ABCC1: variants seen among roughly 807,000 people sequenced by gnomAD.
ABCC1 encodes the protein ATP binding cassette subfamily C member 1 (ABCC1 blood group).
A neutral mutation model predicts 172.9 loss-of-function variants in ABCC1; 83 were observed. The observed-to-expected ratio is 0.48, with a 90% CI of 0.40 to 0.58. The LOEUF is 0.58. Among genes scored for constraint, ABCC1 ranks in the 20% least tolerant of loss-of-function variants. ABCC1 has a pLI of 0.00. For missense variants in ABCC1, 1,817 were observed against 2,002.7 expected (o/e 0.91, Z 1.77); for synonymous variants, 937 against 825.2 (o/e 1.14, Z -2.32).
intron 14 of ABCC1, among the ~76,000 whole-genome samples, chr16:16,072,780 G>A (rs1439083394): frequency 1.3e-5 from 2 of 151,814 alleles, no homozygotes; most frequent in Admixed American, 6.6e-5. Flanking sequence ...AGTGGCTCAC[G>A]CCTGTAATCC....
At chr16:15,962,858 C>T (rs9889088) in intron 1 of ABCC1, among the ~76,000 whole-genome samples, 3,649 of 152,152 alleles carry the variant, frequency 0.024, 155 homozygotes, top group African/African-American at 0.085. Flanking sequence ...CTGCCCCTGG[C>T]CCCTCCCAAA....
At chr16:15,992,634 T>A (rs2046906982) in intron 1 of ABCC1, among the ~76,000 whole-genome samples, 1 of 152,132 alleles carries the variant, frequency 6.6e-6, no homozygotes, top group Non-Finnish European at 1.5e-5. Context: ...CTCCTAACCT[T>A]GGGTGATCCT....
intron 30 of ABCC1, 106 bp from the exon 31 acceptor site, chr16:16,141,067 G>A (rs2046108519): frequency 2.2e-6 from 2 of 899,840 alleles, no homozygotes; most frequent in Non-Finnish European, 1.8e-6. Context: ...AGCAAAAAGT[G>A]TTAGGGGCCT....
chr16:16,004,868 T>G (rs57035599), intron 1 of ABCC1, among the ~76,000 whole-genome samples: 75,088 of 150,946 alleles, frequency 0.5, 19,516 homozygotes, highest in Non-Finnish European at 0.59. Flanking sequence ...TTATGGGGGG[T>G]TCTTGCCATG....
chr16:16,070,213 CAA>C (rs1290460598), intron 13 of ABCC1, among the ~76,000 whole-genome samples: 3 of 151,670 alleles, frequency 2.0e-5, no homozygotes, highest in African/African-American at 4.8e-5. Context: ...CCTTAATCTA[CAA>C]AAAATAACAA....
chr16:16,016,705 C>A (rs2048014065), intron 5 of ABCC1, 84 bp downstream of exon 5: 5 of 1,557,162 alleles, frequency 3.2e-6, no homozygotes, highest in South Asian at 1.2e-5. Flanking sequence ...TTCTTAGATC[C>A]ATCCAGGATC....
intron 5 of ABCC1, among the ~76,000 whole-genome samples, chr16:16,019,628 C>A (rs1489965318): frequency 1.3e-5 from 2 of 152,156 alleles, no homozygotes; most frequent in Non-Finnish European, 2.9e-5. Flanking sequence ...TTCTGATCTC[C>A]CTTGGGAATC....
chr16:15,968,686 T>G (rs11862407), intron 1 of ABCC1, among the ~76,000 whole-genome samples: 18,941 of 152,048 alleles, frequency 0.12, 1,309 homozygotes, highest in Middle Eastern at 0.15. Context: ...CATAAATACA[T>G]GGTATTTTTT....
chr16:16,037,473 A>T (rs559181781), intron 7 of ABCC1, among the ~76,000 whole-genome samples: 134 of 150,236 alleles, frequency 8.9e-4, no homozygotes, highest in Non-Finnish European at 1.6e-3. Context: ...TTATTATTCT[A>T]TGTAACAGTA....
rs576151841 is a variant in ABCC1 at position 16,128,026 on chromosome 16, T to G, written c.3819+2115T>G. Among the ~76,000 whole-genome samples the G allele has an allele frequency of 9.0e-4, 137 of 151,390 alleles. 2 individuals carry two copies. Among genetic ancestry groups the G allele is most frequent in the Admixed American group, 9.0e-3 (137 of 15,178 alleles). ...ACCTCCACCTCCTGGGTTCAAGTGA[T>G]TCTCCTGCCTCAGCCTCCCAATTAG... On this transcript the variant is annotated intron_variant, in intron 26 of 30. Coordinates refer to ENST00000399410, the MANE Select transcript of ABCC1 (RefSeq NM_004996.4).
intron 17 of ABCC1, among the ~76,000 whole-genome samples, chr16:16,086,520 C>T (rs1016102183): frequency 6.6e-6 from 1 of 152,122 alleles, no homozygotes; most frequent in African/African-American, 2.4e-5. Flanking sequence ...AGTGGCCCAG[C>T]CATAGCTCGT....
intron 1 of ABCC1, among the ~76,000 whole-genome samples, chr16:15,966,077 C>T (rs1597058394): frequency 6.6e-6 from 1 of 152,028 alleles, no homozygotes; most frequent in Non-Finnish European, 1.5e-5. Context: ...TCTAAGGTTA[C>T]TTACTGCTGT....
intron 18 of ABCC1, among the ~76,000 whole-genome samples, chr16:16,087,821 A>G (rs567932658): frequency 4.1e-4 from 62 of 152,214 alleles, no homozygotes; most frequent in Non-Finnish European, 7.3e-4. Context: ...GAAAAACATG[A>G]AAAAGAAAAA....
At chr16:16,123,455 C>T (rs2045257526) in intron 24 of ABCC1, among the ~76,000 whole-genome samples, 2 of 151,650 alleles carry the variant, frequency 1.3e-5, no homozygotes, top group South Asian at 4.2e-4. Context: ...GTCAACATGG[C>T]AAAATCCCAT....
chr16:16,046,093 T>G lies in ABCC1; in HGVS notation c.1218+80T>G, dbSNP rs2049197813. The G allele has an allele frequency of 2.7e-6, 4 of 1,499,122 alleles. No individual in the cohort carries two copies. In the South Asian group the frequency reaches 4.9e-5, roughly 18 times the overall value. 92.9% of individuals were successfully genotyped at this position (1,499,122 alleles called of 1,614,324 possible). Reference sequence around the variant, plus strand: ...GCCCTGGGTTACTCTGGGGCCAGCGTGGGGATTTCCAGCCCAGCTTCTGGA... The same window carrying G: ...GCCCTGGGTTACTCTGGGGCCAGCGGGGGGATTTCCAGCCCAGCTTCTGGA... On this transcript the variant is annotated intron_variant, in intron 9 of 30. Transcript: ENST00000399410.
intron 14 of ABCC1, among the ~76,000 whole-genome samples, chr16:16,072,751 T>G (rs542136023): frequency 1.6e-4 from 24 of 151,844 alleles, no homozygotes; most frequent in African/African-American, 5.8e-4. Context: ...CACTTAATAA[T>G]AAATATTAGG....
chr16:16,085,047 A>G (rs941680607), intron 17 of ABCC1, among the ~76,000 whole-genome samples: 7 of 152,222 alleles, frequency 4.6e-5, no homozygotes, highest in African/African-American at 1.7e-4. Flanking sequence ...AAAAGGAGGC[A>G]CAGAGAGGCC....
intron 1 of ABCC1, among the ~76,000 whole-genome samples, chr16:15,959,723 A>G (rs2046087594): frequency 6.6e-6 from 1 of 152,206 alleles, no homozygotes; most frequent in African/African-American, 2.4e-5. Flanking sequence ...GATTCCACTT[A>G]AGTGTCCCCT....
chr16:16,061,772 CTTTTTTT>C (rs201926082), intron 12 of ABCC1, among the ~76,000 whole-genome samples: 7 of 116,226 alleles, frequency 6.0e-5, no homozygotes, highest in Middle Eastern at 4.5e-3. Flanking sequence ...TTCTTTTTTT[CTTTTTTT>C]TTTTTTTTTT....
Sources: allele counts gnomAD v4.1 joint callset (sites outside exome capture counted in the v4.1 genomes callset), GRCh38; gene constraint gnomAD v4.1.1; transcripts MANE v1.5; gene names NCBI Gene and HGNC (gene_info 2026-07-23, HGNC 2026-07-21).